Variants in TERB2 observed in about 807,000 individuals in gnomAD.
TERB2 encodes telomere repeats-binding bouquet formation protein 2.
In TERB2, 26 loss-of-function variants were observed where a neutral mutation model predicts 29.8. The ratio of observed to expected loss-of-function variants is 0.87; its 90% CI spans 0.64 to 1.21. The LOEUF is 1.21. TERB2 is among the 50% of genes most tolerant of loss of function. The pLI is 0.00. For missense variants in TERB2, 240 were observed against 268.6 expected, an observed-to-expected ratio of 0.89 and a Z score of 0.74; for synonymous variants, 80 against 90.8, an observed-to-expected ratio of 0.88 and a Z score of 0.68.
intron 3 of TERB2, among the ~76,000 whole-genome samples, chr15:44,958,756 C>T (rs1477677106): frequency 1.3e-5 from 2 of 152,192 alleles, no homozygotes; most frequent in Admixed American, 1.3e-4. Flanking sequence ...CAGGTTTCAA[C>T]CTGGGTAGGT....
In TERB2 at chr15:44,956,805, C is replaced by T. The variant is rs184690028; in HGVS notation, c.64+23C>T. On this transcript the variant is annotated intron_variant, in intron 1 of 6. Coordinates refer to ENST00000340827, the MANE Select transcript of TERB2 (RefSeq NM_152448.3). ...GGGGTAGGAAGCTGAGTGGAAGCAG[C>T]GGGTTAGGTGGTGAGGGGAGCATCC... 714 of 1,613,384 alleles carry T rather than the reference C, an allele frequency of 4.4e-4. 1 individual carries two copies. The highest frequency in any genetic ancestry group is 9.7e-4 in the Admixed American group (58 of 59,974).
At chr15:44,964,045 G>A (rs1891848160) in intron 4 of TERB2, among the ~76,000 whole-genome samples, 1 of 151,954 alleles carries the variant, frequency 6.6e-6, no homozygotes. Flanking sequence ...TCCTGACCTC[G>A]TGATCCGCCT....
chr15:44,965,465 T>C lies in TERB2; in HGVS notation c.349-693T>C, dbSNP rs1891872190. On this transcript the variant is annotated intron_variant, in intron 4 of 6. Transcript: ENST00000340827. ...ATAAATATATATTTATAAAGATATA[T>C]ATATTTATAAAGATATATATTTATA... 2.8e-5 allele frequency among the ~76,000 whole-genome samples: 4 copies of C among 144,366 alleles called. No individual in the cohort carries two copies. The South Asian group carries it at 8.4e-4, about 30-fold the overall frequency. The allele number at this position is 144,366 out of a possible 152,430, so 94.7% of individuals were successfully genotyped here.
Position 44,956,763 on chromosome 15 carries a change from G to A in TERB2, c.45G>A (p.Gln15=). The stretch of plus-strand genomic sequence containing the variant: ...GTTGGTTTTGCGGCAGCGTTAGCCA[G>A]GATCTGAGGCAATTCTGGGGTAGGA... ...QRGWFCGSVS[Q]DLRQFWVAEG... The change falls in exon 1 of 7, where the codon CAG becomes CAA. Residue 15 remains glutamine (Q), a synonymous_variant. Coordinates refer to ENST00000340827, the MANE Select transcript of TERB2 (RefSeq NM_152448.3). 1 of 1,613,826 alleles carries A rather than the reference G, an allele frequency of 6.2e-7. No individual in the cohort carries two copies. The highest frequency in any genetic ancestry group is 8.5e-7 in the Non-Finnish European group (1 of 1,179,876).
intron 4 of TERB2, among the ~76,000 whole-genome samples, chr15:44,965,524 ATTATATATTATACAT>A (rs972029840): frequency 6.9e-5 from 10 of 143,990 alleles, no homozygotes; most frequent in South Asian, 2.1e-4. Context: ...GATATATATA[ATTATATATTATACAT>A]TTATATATTA....
At chr15:44,971,746 A>T (rs1413868720) in intron 5 of TERB2, among the ~76,000 whole-genome samples, 1 of 151,196 alleles carries the variant, frequency 6.6e-6, no homozygotes, top group Non-Finnish European at 1.5e-5. Context: ...ACAGAGCAAG[A>T]CTCTGTCCTC....
rs1458657049 is a variant in TERB2, at chr15:44,978,552, C to T, written c.587C>T (p.Thr196Ile). ...GAGCTACATGACTTCATTCCTGGAA[C>T]CTCAGGATATTTGGCATATCATGTT... ...LGELHDFIPG[T>I]SGYLAYHVQN... is the part of the protein sequence containing the mutation. Residue 196 changes from threonine to isoleucine, a missense_variant, in exon 7 of 7, where the codon ACC (threonine) becomes ATC (isoleucine). Thr to Ile is a moderately conservative substitution (Grantham distance 89). Coordinates refer to ENST00000340827, the MANE Select transcript of TERB2 (RefSeq NM_152448.3). 1 of 1,609,536 alleles carries T rather than the reference C, an allele frequency of 6.2e-7. No individual in the cohort carries two copies. The highest frequency in any genetic ancestry group is 1.7e-5 in the Admixed American group (1 of 59,822).
At position 44,978,783 on chromosome 15, in the gene TERB2, T is replaced by G. The variant is rs1892082716; in HGVS notation, c.*155T>G. On this transcript the variant is annotated 3_prime_UTR_variant, in exon 7 of 7. Coordinates refer to ENST00000340827, the MANE Select transcript of TERB2 (RefSeq NM_152448.3). The stretch of plus-strand genomic sequence containing the variant: ...ATATCTTTAGGAAATACAGAATCAT[T>G]TTGGTTCTGTGTTTTGACATTTTTC... 9.4e-7 allele frequency: 1 copy of G among 1,067,474 alleles called. No homozygotes were observed. The highest frequency in any genetic ancestry group is 1.2e-6 in the Non-Finnish European group (1 of 817,868). 66.1% of individuals were successfully genotyped at this position (1,067,474 alleles called of 1,614,324 possible).
At position 44,969,391 on chromosome 15, in the gene TERB2, C is replaced by T. The variant is rs891563881; in HGVS notation, c.434+3148C>T. ...CCAAAGTGCTGGGATTATAGGTGTGCGCCAACTCGCCCAGCCTAATTAAAT... is the reference window on the plus strand; with the variant it reads ...CCAAAGTGCTGGGATTATAGGTGTGTGCCAACTCGCCCAGCCTAATTAAAT... On this transcript the variant is annotated intron_variant, in intron 5 of 6. Coordinates refer to ENST00000340827, the MANE Select transcript of TERB2 (RefSeq NM_152448.3). 3.3e-4 allele frequency among the ~76,000 whole-genome samples: 50 copies of T among 152,194 alleles called. 2 individuals are homozygous for T. The South Asian group carries it at 5.4e-3, about 16-fold the overall frequency.
At chr15:44,960,683 A>G (rs1891786794) in intron 3 of TERB2, among the ~76,000 whole-genome samples, 1 of 152,198 alleles carries the variant, frequency 6.6e-6, no homozygotes, top group Non-Finnish European at 1.5e-5. Context: ...TTATACTTAC[A>G]GCACCTCTCA....
In TERB2 at chr15:44,963,886, C is replaced by T. The variant is rs552374844; in HGVS notation, c.349-2272C>T. Among the ~76,000 whole-genome samples the T allele has an allele frequency of 5.9e-5, 8 of 136,060 alleles. No individual in the cohort carries two copies. The East Asian group carries it at 1.7e-3, about 29-fold the overall frequency. The allele number at this position is 136,060 out of a possible 152,430, so 89.3% of individuals were successfully genotyped here. A position where few individuals can be genotyped will look rare whatever the true frequency, so the allele number is the denominator to read the frequency against. ...GTGAAGTGGCGGGATCTCAAGCTTA[C>T]TGCGACCACCACCTCCTGGGTTGAA... On this transcript the variant is annotated intron_variant, in intron 4 of 6. Transcript: ENST00000340827.
In TERB2 at chr15:44,956,790, G is replaced by A. The variant is rs756264481; in HGVS notation, c.64+8G>A. ...ATCTGAGGCAATTCTGGGGTAGGAA[G>A]CTGAGTGGAAGCAGCGGGTTAGGTG... is the stretch of plus-strand genomic sequence containing the variant. On this transcript the variant is annotated splice_region_variant and intron_variant, in intron 1 of 6. Coordinates refer to ENST00000340827, the MANE Select transcript of TERB2 (RefSeq NM_152448.3). The A allele has an allele frequency of 5.0e-6, 8 of 1,614,014 alleles. No individual in the cohort carries two copies. The highest frequency in any genetic ancestry group is 5.9e-6 in the Non-Finnish European group (7 of 1,179,934).
At position 44,956,725 on chromosome 15, in the gene TERB2, C is replaced by T; in HGVS notation, c.7C>T (p.Gln3Ter). The T allele has an allele frequency of 6.2e-7, 1 of 1,607,136 alleles. No homozygotes were observed. Among genetic ancestry groups the T allele is most frequent in the Non-Finnish European group, 8.5e-7 (1 of 1,177,296 alleles). Residue 3 changes from glutamine (Q) to a stop codon, truncating the protein, a stop_gained, in exon 1 of 7, where the codon CAA (glutamine) becomes TAA (stop). Transcript: ENST00000340827. LOFTEE classifies it high-confidence loss of function. MF[Q>*]GQRGWFCGSV... ...CCACAGGCTTGGCGACGCCATGTTTCAAGGGCAGCGCGGTTGGTTTTGCGG... is the reference window on the plus strand; with the variant it reads ...CCACAGGCTTGGCGACGCCATGTTTTAAGGGCAGCGCGGTTGGTTTTGCGG...
intron 4 of TERB2, among the ~76,000 whole-genome samples, chr15:44,964,703 T>C (rs527558507): frequency 6.8e-4 from 104 of 152,170 alleles, no homozygotes; most frequent in Non-Finnish European, 1.1e-3. Context: ...AAAGAATTTG[T>C]CAATTCTTTC....
intron 6 of TERB2, among the ~76,000 whole-genome samples, chr15:44,975,780 G>T (rs1276356054): frequency 1.3e-5 from 2 of 151,720 alleles, no homozygotes; most frequent in African/African-American, 2.4e-5. Flanking sequence ...CATCAAAAGA[G>T]TTTTTGTTTT....
intron 6 of TERB2, chr15:44,976,076 T>C (rs1892042990): frequency 6.6e-6 from 1 of 152,184 alleles, no homozygotes; most frequent in African/African-American, 2.4e-5. Context: ...ATTTATTTAT[T>C]ATAGAGATGA....
chr15:44,968,252 G>A (rs1164124157), intron 5 of TERB2, among the ~76,000 whole-genome samples: 4 of 152,056 alleles, frequency 2.6e-5, no homozygotes, highest in Non-Finnish European at 5.9e-5. Context: ...ATCTTAGTCT[G>A]TTGCCCAGGC....
chr15:44,958,220 A>G (rs1350499289), intron 2 of TERB2, among the ~76,000 whole-genome samples, 153 bp from the exon 3 acceptor site: 5 of 152,216 alleles, frequency 3.3e-5, no homozygotes, highest in Admixed American at 2.0e-4. Context: ...ATCTTATGCC[A>G]TATGTTTTTC....
chr15:44,963,228 G>C (rs911415736), intron 4 of TERB2, among the ~76,000 whole-genome samples: 2 of 152,172 alleles, frequency 1.3e-5, no homozygotes, highest in Admixed American at 6.5e-5. Flanking sequence ...ACAATGGAGC[G>C]ATCTGGCAGG....
Sources: allele counts gnomAD v4.1 joint callset (sites outside exome capture counted in the v4.1 genomes callset), GRCh38; gene constraint gnomAD v4.1.1; transcripts MANE v1.5; gene names NCBI Gene and HGNC (gene_info 2026-07-23, HGNC 2026-07-21).